The following CIAPIN1 variants were observed in gnomAD, a reference collection of about 807,000 sequenced individuals.
CIAPIN1 encodes cytokine induced apoptosis inhibitor 1.
Under a neutral mutation model 34.3 loss-of-function variants are expected in CIAPIN1, and 18 were observed. That is an observed-to-expected ratio of 0.52 (90% confidence interval 0.36 to 0.78). The LOEUF (loss-of-function observed/expected upper bound fraction) is 0.78. CIAPIN1 is among the 30% of genes least tolerant of loss of function. The pLI is 0.00. For missense variants in CIAPIN1, 310 were observed against 372.5 expected, an observed-to-expected ratio of 0.83 and a Z score of 1.38; for synonymous variants, 131 against 140.4, an observed-to-expected ratio of 0.93 and a Z score of 0.47.
chr16:57,438,644 G>A (rs1460054625), intron 3 of CIAPIN1, among the ~76,000 whole-genome samples: 1 of 151,266 alleles, frequency 6.6e-6, no homozygotes, highest in Non-Finnish European at 1.5e-5. Flanking sequence ...TAACCACCAC[G>A]ACATTCAGAA....
At chr16:57,446,334 T>C (rs552074742) in intron 1 of CIAPIN1, among the ~76,000 whole-genome samples, 6 of 152,146 alleles carry the variant, frequency 3.9e-5, no homozygotes, top group Non-Finnish European at 5.9e-5. Flanking sequence ...ACCAGAAATA[T>C]GGATCTAAAA....
rs560859824 is a variant in CIAPIN1, at chr16:57,435,314, C to G, written c.388-1102G>C. ...GAAGCCAAGCAGTTGCAGGCCCGTG[C>G]TTCCTGTACAGTCTGCAGAACAGTG... On this transcript the variant is annotated intron_variant, in intron 4 of 8. Coordinates refer to ENST00000394391, the MANE Select transcript of CIAPIN1 (RefSeq NM_020313.4). Among the ~76,000 whole-genome samples the G allele has an allele frequency of 9.8e-5, 15 of 152,342 alleles. No homozygotes were observed. In the South Asian group the frequency reaches 2.9e-3, roughly 29 times the overall value.
intron 6 of CIAPIN1, 45 bp from the exon 7 acceptor site, chr16:57,431,311 C>A (rs773028941): frequency 4.4e-6 from 6 of 1,356,900 alleles, no homozygotes; most frequent in Non-Finnish European, 6.3e-6. Context: ...GTGGTCTCTG[C>A]TAATGAAAAG....
chr16:57,441,663 A>C (rs1306783747), intron 1 of CIAPIN1, among the ~76,000 whole-genome samples: 7 of 152,254 alleles, frequency 4.6e-5, no homozygotes, highest in Non-Finnish European at 1.0e-4. Context: ...AGTGAGTGCT[A>C]CATGGATAAA....
chr16:57,442,364 A>AT (rs1169455070), intron 1 of CIAPIN1, among the ~76,000 whole-genome samples: 2 of 152,032 alleles, frequency 1.3e-5, no homozygotes, highest in African/African-American at 4.8e-5. Flanking sequence ...AAATAAATAA[A>AT]AAATAAAAAA....
rs1222670053 is a variant in CIAPIN1 at position 57,434,137 on chromosome 16, G to C, written c.463C>G (p.Leu155Val). The C allele has an allele frequency of 6.2e-7, 1 of 1,614,010 alleles. No individual in the cohort carries two copies. Among genetic ancestry groups the C allele is most frequent in the Non-Finnish European group, 8.5e-7 (1 of 1,179,978 alleles). Residue 155 changes from leucine (L) to valine (V), a missense_variant, in exon 5 of 9, where the codon CTG becomes GTG. Leu to Val is a conservative substitution (Grantham distance 32). Transcript: ENST00000394391. ...EHLGHESDNLLFVQITGKKPN... is the reference protein window; with the variant it reads ...EHLGHESDNLVFVQITGKKPN... ...TTTTTGCCTGTGATCTGAACAAACA[G>C]CAGGTTGTCACTTTCATGACCAAGG...
intron 6 of CIAPIN1, chr16:57,431,503 A>G (rs1903086345): frequency 5.3e-6 from 2 of 379,698 alleles, no homozygotes; most frequent in African/African-American, 2.0e-5. Context: ...ACAAATTTAC[A>G]TGAGAAAAAG....
intron 1 of CIAPIN1, among the ~76,000 whole-genome samples, chr16:57,445,373 G>A (rs2030011239): frequency 6.6e-6 from 1 of 152,068 alleles, no homozygotes; most frequent in Non-Finnish European, 1.5e-5. Context: ...TGGGCATGGT[G>A]GCGTGCACCT....
intron 6 of CIAPIN1, among the ~76,000 whole-genome samples, chr16:57,432,133 G>A (rs1362185938): frequency 1.3e-5 from 2 of 152,152 alleles, no homozygotes; most frequent in Non-Finnish European, 1.5e-5. Flanking sequence ...GGCCAACATG[G>A]TGAAACCCCG....
In CIAPIN1 at chr16:57,429,146, G is replaced by T; in HGVS notation, c.*24C>A. 6.5e-7 allele frequency: 1 copy of T among 1,528,674 alleles called. No individual in the cohort carries two copies. Among genetic ancestry groups the T allele is most frequent in the Non-Finnish European group, 9.1e-7 (1 of 1,104,068 alleles). 94.7% of individuals were successfully genotyped at this position (1,528,674 alleles called of 1,614,324 possible). On this transcript the variant is annotated 3_prime_UTR_variant, in exon 9 of 9. Coordinates refer to ENST00000394391, the MANE Select transcript of CIAPIN1 (RefSeq NM_020313.4). ...GGGACAGGAGTTGGCTGGAGGAGCA[G>T]ATGGGTCCCATGTCAGGAACCTCCT... is the stretch of plus-strand genomic sequence containing the variant.
intron 1 of CIAPIN1, among the ~76,000 whole-genome samples, chr16:57,445,843 T>G (rs1170433890): frequency 4.0e-4 from 52 of 131,274 alleles, no homozygotes; most frequent in African/African-American, 5.3e-4. Context: ...GGTTTTTTTT[T>G]TTTTTTTTTT....
At chr16:57,443,201 G>A (rs1443900464) in intron 1 of CIAPIN1, among the ~76,000 whole-genome samples, 3 of 149,180 alleles carry the variant, frequency 2.0e-5, no homozygotes, top group South Asian at 2.1e-4. Flanking sequence ...AGGCTGGAGT[G>A]TAATCTTGGC....
chr16:57,434,252 C>A, intron 4 of CIAPIN1, 40 bp from the exon 5 acceptor site: 2 of 1,605,180 alleles, frequency 1.2e-6, no homozygotes, highest in Non-Finnish European at 1.7e-6. Context: ...TCACCCTCCT[C>A]TGTAAAATGG....
chr16:57,435,504 G>A (rs1903179603), intron 4 of CIAPIN1, among the ~76,000 whole-genome samples: 3 of 152,316 alleles, frequency 2.0e-5, no homozygotes, highest in Admixed American at 1.3e-4. Context: ...CTAAGGCCTG[G>A]CATAAAGAAT....
At position 57,434,205 on chromosome 16, in the gene CIAPIN1, C is replaced by T. The variant is rs772476489; in HGVS notation, c.395G>A (p.Arg132Gln). 4.8e-5 allele frequency: 78 copies of T among 1,613,746 alleles called. No homozygotes were observed. The highest frequency in any genetic ancestry group is 1.1e-4 in the African/African-American group (8 of 74,900). ...TACTTCCTCAGGGGTTAGGGGCTCC[C>T]GCTGCAGCTAGAATTCAAGACATCA... ...SGLVEVKELQ[R>Q]EPLTPEEVQS... Residue 132 changes from arginine to glutamine, a missense_variant, in exon 5 of 9, where the codon CGG becomes CAG. Arg to Gln is a conservative substitution (Grantham distance 43, BLOSUM62 1). Transcript: ENST00000394391.
chr16:57,445,604 AG>A (rs2030020055), intron 1 of CIAPIN1, among the ~76,000 whole-genome samples: 1 of 152,208 alleles, frequency 6.6e-6, no homozygotes, highest in Non-Finnish European at 1.5e-5. Context: ...ACCAGTACCA[AG>A]TGGGCCTAAC....
intron 2 of CIAPIN1, among the ~76,000 whole-genome samples, 184 bp downstream of exon 2, chr16:57,440,587 GA>G (rs1903307411): frequency 1.3e-5 from 2 of 152,126 alleles, no homozygotes; most frequent in Admixed American, 1.3e-4. Flanking sequence ...AAATAGAAAA[GA>G]ACCTACGTTG....
At chr16:57,439,355 AT>A (rs1183935002) in intron 2 of CIAPIN1, 21 bp from the exon 3 acceptor site, 2 of 1,613,848 alleles carry the variant, frequency 1.2e-6, no homozygotes, top group Non-Finnish European at 1.7e-6. Context: ...GAGGACTCTA[AT>A]TAGCAATCTC....
chr16:57,431,174 T>C lies in CIAPIN1; in HGVS notation c.723A>G (p.Lys241=). The C allele has an allele frequency of 3.1e-6, 5 of 1,613,464 alleles. No individual in the cohort carries two copies. The highest frequency in any genetic ancestry group is 4.2e-6 in the Non-Finnish European group (5 of 1,179,638). ...ACCAGTTCTTACAGGCCTTCCTCTT[T>C]TTCCCTTCCCCACAAGAAGCAGCCC... ...SLRAASCGEG[K]KRKACKNCTC... Residue 241 remains lysine, a synonymous_variant, in exon 7 of 9, where the codon AAA becomes AAG. Transcript: ENST00000394391.
Sources: gnomAD v4.1 joint callset for allele counts (sites outside exome capture counted in the v4.1 genomes callset) on GRCh38, gnomAD v4.1.1 for gene constraint, MANE v1.5 for transcripts, NCBI Gene and HGNC (gene_info 2026-07-23, HGNC 2026-07-21) for gene names.